The following KCNMA1 variants were observed in gnomAD, a reference collection of about 807,000 sequenced individuals.
KCNMA1 encodes Calcium-activated potassium channel subunit alpha-1.
KCNMA1 carries 29 observed loss-of-function variants against 140.0 expected under a neutral mutation model. That is an observed-to-expected ratio of 0.21 (90% CI 0.15 to 0.28). KCNMA1 has a LOEUF of 0.28. Among genes scored for constraint, KCNMA1 ranks in the 10% least tolerant of loss-of-function variants. The probability of loss-of-function intolerance (pLI) is 1.00; values close to 1 mark genes in which losing one functional copy is unlikely to be tolerated. For missense variants in KCNMA1, 880 were observed against 1,602.2 expected (o/e 0.55, Z 7.70); for synonymous variants, 612 against 611.9 (o/e 1.00, Z 0.00).
intron 2 of KCNMA1, among the ~76,000 whole-genome samples, chr10:77,391,778 C>T (rs951716165): frequency 1.3e-5 from 2 of 151,922 alleles, no homozygotes; most frequent in Non-Finnish European, 2.9e-5. Context: ...GTAAACTAAA[C>T]TTGGAAGCAT....
At chr10:76,989,565 G>T (rs574270712) in intron 19 of KCNMA1, among the ~76,000 whole-genome samples, 92 of 152,098 alleles carry the variant, frequency 6.0e-4, no homozygotes, top group Non-Finnish European at 1.1e-3. Context: ...ATTTTGCAAG[G>T]CCTACTGGAT....
chr10:77,261,031 A>T (rs2061861290), intron 2 of KCNMA1, among the ~76,000 whole-genome samples: 1 of 152,158 alleles, frequency 6.6e-6, no homozygotes, highest in African/African-American at 2.4e-5. Context: ...GATTCCTCTA[A>T]TCAGAAAGAC....
chr10:76,920,026 A>G lies in KCNMA1; in HGVS notation c.2903-4977T>C, dbSNP rs11001932. Among the ~76,000 whole-genome samples the G allele has an allele frequency of 9.2e-3, 804 of 87,598 alleles. 7 individuals carry two copies. The highest frequency in any genetic ancestry group is 0.034 in the African/African-American group (522 of 15,396). 57.5% of individuals were successfully genotyped at this position (87,598 alleles called of 152,430 possible). A position where few individuals can be genotyped will look rare whatever the true frequency, so the allele number is the denominator to read the frequency against. On this transcript the variant is annotated intron_variant, in intron 23 of 27. Coordinates refer to ENST00000286628, the MANE Select transcript of KCNMA1 (RefSeq NM_001161352.2). ...TGTGTGTGTGTGTGTGTGTGTATAT[A>G]TATATATATATATATATATATATAT... is the stretch of plus-strand genomic sequence containing the variant.
chr10:77,190,460 A>G (rs2098930197), intron 3 of KCNMA1, among the ~76,000 whole-genome samples: 1 of 152,204 alleles, frequency 6.6e-6, no homozygotes, highest in Admixed American at 6.5e-5. Context: ...GCCTTGTGCC[A>G]TACCACTTCC....
intron 5 of KCNMA1, among the ~76,000 whole-genome samples, chr10:77,170,632 C>T (rs1176761303): frequency 1.3e-5 from 2 of 152,178 alleles, no homozygotes; most frequent in Non-Finnish European, 2.9e-5. Context: ...TGGCCTGGGA[C>T]CTCCCTCCGC....
At chr10:77,488,256 G>A (rs1485969668) in intron 1 of KCNMA1, among the ~76,000 whole-genome samples, 1 of 152,190 alleles carries the variant, frequency 6.6e-6, no homozygotes, top group African/African-American at 2.4e-5. Flanking sequence ...CTGCCCTTTA[G>A]GAGGAGCTGT....
chr10:77,476,670 C>T (rs892280035), intron 1 of KCNMA1, among the ~76,000 whole-genome samples: 2 of 152,224 alleles, frequency 1.3e-5, no homozygotes, highest in African/African-American at 4.8e-5. Flanking sequence ...ATGTCATCGT[C>T]TGCTGCTCAG....
intron 23 of KCNMA1, among the ~76,000 whole-genome samples, chr10:76,915,893 A>G (rs975694626): frequency 2.6e-5 from 4 of 152,104 alleles, no homozygotes; most frequent in African/African-American, 9.7e-5. Context: ...AGCTGAGGGC[A>G]TAACTAACTT....
intron 23 of KCNMA1, among the ~76,000 whole-genome samples, chr10:76,937,221 G>A (rs762939383): frequency 6.6e-6 from 1 of 152,140 alleles, no homozygotes; most frequent in Admixed American, 6.5e-5. Context: ...TTAACCATTG[G>A]CCCTGGTTTT....
At chr10:77,382,039 C>T (rs2095407647) in intron 2 of KCNMA1, among the ~76,000 whole-genome samples, 1 of 152,180 alleles carries the variant, frequency 6.6e-6, no homozygotes, top group Non-Finnish European at 1.5e-5. Context: ...TACAACAAGG[C>T]TCAGGAGGAG....
At chr10:77,131,762 C>T (rs1283484670) in intron 5 of KCNMA1, among the ~76,000 whole-genome samples, 4 of 151,774 alleles carry the variant, frequency 2.6e-5, no homozygotes, top group Non-Finnish European at 5.9e-5. Flanking sequence ...GTCAGGAGTT[C>T]GAGACCAGCC....
intron 1 of KCNMA1, among the ~76,000 whole-genome samples, chr10:77,611,277 G>T (rs2086758127): frequency 6.6e-6 from 1 of 152,220 alleles, no homozygotes; most frequent in Non-Finnish European, 1.5e-5. Context: ...TGGTGCAAAG[G>T]TGATTTATTT....
intron 23 of KCNMA1, among the ~76,000 whole-genome samples, chr10:76,936,224 A>G (rs1216973234): frequency 6.6e-6 from 1 of 152,174 alleles, no homozygotes; most frequent in Admixed American, 6.5e-5. Context: ...CCCTTTCTGT[A>G]CTTGAGATCT....
At chr10:77,598,664 T>C (rs1340021342) in intron 1 of KCNMA1, among the ~76,000 whole-genome samples, 1 of 152,102 alleles carries the variant, frequency 6.6e-6, no homozygotes, top group Non-Finnish European at 1.5e-5. Flanking sequence ...AGAGGAGCAG[T>C]GTGGAGGGGA....
At chr10:77,520,965 C>G (rs2053190453) in intron 1 of KCNMA1, among the ~76,000 whole-genome samples, 1 of 152,212 alleles carries the variant, frequency 6.6e-6, no homozygotes. Flanking sequence ...GCAGAAAGAT[C>G]TTCCAAATTT....
chr10:77,337,209 C>T (rs2089382284), intron 2 of KCNMA1, among the ~76,000 whole-genome samples: 4 of 152,308 alleles, frequency 2.6e-5, no homozygotes, highest in Admixed American at 6.5e-5. Flanking sequence ...TTCCCTCATT[C>T]AACAGGATCT....
chr10:77,535,202 C>T (rs1176274053), intron 1 of KCNMA1, among the ~76,000 whole-genome samples: 1 of 152,186 alleles, frequency 6.6e-6, no homozygotes, highest in Non-Finnish European at 1.5e-5. Context: ...GCTCTAACAT[C>T]CCAAAATACT....
chr10:77,201,824 CAA>C (rs768567488), intron 3 of KCNMA1, among the ~76,000 whole-genome samples: 1 of 141,992 alleles, frequency 7.0e-6, no homozygotes, highest in Non-Finnish European at 1.5e-5. Flanking sequence ...ATCTACACAG[CAA>C]AAAAAAAAAA....
intron 15 of KCNMA1, among the ~76,000 whole-genome samples, chr10:77,037,163 C>G (rs574334279): frequency 6.6e-6 from 1 of 152,302 alleles, no homozygotes; most frequent in African/African-American, 2.4e-5. Flanking sequence ...CTTGAGCTGG[C>G]TGAAGGCCAG....
Sources: allele counts gnomAD v4.1 joint callset (sites outside exome capture counted in the v4.1 genomes callset), GRCh38; gene constraint gnomAD v4.1.1; transcripts MANE v1.5; gene names NCBI Gene and HGNC (gene_info 2026-07-23, HGNC 2026-07-21).